ZNF180: variants seen among roughly 807,000 people sequenced by gnomAD.
The protein encoded by ZNF180 is zinc finger protein 180 (HHZ168).
ZNF180 carries 11 observed loss-of-function variants against 11.8 expected under a neutral mutation model. That is an observed-to-expected ratio of 0.93 (90% CI 0.59 to 1.55). The LOEUF is 1.55. Among genes scored for constraint, ZNF180 ranks in the 40% most tolerant of loss-of-function variants. The probability of loss-of-function intolerance (pLI) is 0.00; values close to 1 mark genes in which losing one functional copy is unlikely to be tolerated. For synonymous variants in ZNF180, 287 were observed against 257.7 expected, an observed-to-expected ratio of 1.11 and a Z score of -1.09; for missense variants, 773 against 781.7, an observed-to-expected ratio of 0.99 and a Z score of 0.13.
In ZNF180 at chr19:44,477,455, T is replaced by G; in HGVS notation, c.945A>C (p.Gln315His). 1 of 1,614,098 alleles carries G rather than the reference T, an allele frequency of 6.2e-7. No homozygotes were observed. Among genetic ancestry groups the G allele is most frequent in the South Asian group, 1.1e-5 (1 of 91,070 alleles). ...SETSHSSSLT[Q>H]NMRNNSEEKP... is the part of the protein sequence containing the mutation. Reference sequence around the variant, plus strand: ...TCTCTTCAGAATTATTTCTCATGTTTTGAGTAAGGGAGGAACTATGAGAGG... The same window carrying G: ...TCTCTTCAGAATTATTTCTCATGTTGTGAGTAAGGGAGGAACTATGAGAGG... The change falls in exon 5 of 5, where the codon CAA (glutamine) becomes CAC (histidine). Residue 315 changes from glutamine (Q) to histidine (H), a missense_variant. Coordinates refer to ENST00000592529, the MANE Select transcript of ZNF180 (RefSeq NM_001278509.3).
intron 3 of ZNF180, among the ~76,000 whole-genome samples, chr19:44,481,344 A>G (rs988338798): frequency 2.6e-5 from 4 of 152,126 alleles, no homozygotes; most frequent in African/African-American, 7.2e-5. Flanking sequence ...GAAACCTCAA[A>G]TGTTTTCATG....
chr19:44,491,623 T>C (rs11670601), intron 2 of ZNF180, among the ~76,000 whole-genome samples: 46,578 of 152,092 alleles, frequency 0.31, 7,913 homozygotes, highest in African/African-American at 0.44. Flanking sequence ...TAAGCTGGAG[T>C]GCAGTGGCAC....
Position 44,489,510 on chromosome 19 carries a change from T to C in ZNF180, c.52-5075A>G, listed in dbSNP as rs1346048907. On this transcript the variant is annotated intron_variant, in intron 2 of 4. Transcript: ENST00000592529. ...TAAATGGATTAAGGGCGGTGCAAGA[T>C]GTGCTTTGTTAAACAGATGCTTGAA... is the stretch of plus-strand genomic sequence containing the variant. 2.3e-4 allele frequency among the ~76,000 whole-genome samples: 26 copies of C among 112,284 alleles called. 1 individual carries two copies. Among genetic ancestry groups the C allele is most frequent in the Non-Finnish European group, 5.0e-4 (25 of 49,706 alleles). 73.7% of individuals were successfully genotyped at this position (112,284 alleles called of 152,430 possible).
chr19:44,499,104 C>G (rs1970666313), intron 1 of ZNF180, among the ~76,000 whole-genome samples: 1 of 152,220 alleles, frequency 6.6e-6, no homozygotes, highest in African/African-American at 2.4e-5. Flanking sequence ...TTGCCCGCAG[C>G]CAGGACACTA....
At position 44,477,895 on chromosome 19, in the gene ZNF180, C is replaced by T. The variant is rs200035700; in HGVS notation, c.505G>A (p.Gly169Arg). The change falls in exon 5 of 5, where the codon GGG (glycine) becomes AGG (arginine). Residue 169 changes from glycine (G) to arginine (R), a missense_variant. By Grantham distance (125) the Gly-to-Arg change is moderately radical. Coordinates refer to ENST00000592529, the MANE Select transcript of ZNF180 (RefSeq NM_001278509.3). ...CTGGAATTCAGACCACTCTTCTCCCCAGTTTCATCACTTTTGCAGACTCTC... is the reference window on the plus strand; with the variant it reads ...CTGGAATTCAGACCACTCTTCTCCCTAGTTTCATCACTTTTGCAGACTCTC... ...HERVCKSDET[G>R]EKSGLNSSLF... 17 of 1,613,930 alleles carry T rather than the reference C, an allele frequency of 1.1e-5. No individual in the cohort carries two copies. Among genetic ancestry groups the T allele is most frequent in the Non-Finnish European group, 1.4e-5 (16 of 1,179,998 alleles).
At chr19:44,490,118 G>GAGGGA (rs149941233) in intron 2 of ZNF180, among the ~76,000 whole-genome samples, 8,439 of 103,934 alleles carry the variant, frequency 0.081, 1,214 homozygotes, top group African/African-American at 0.27. Context: ...GGGAAAGAAA[G>GAGGGA]AGGGAAGGGA....
intron 4 of ZNF180, among the ~76,000 whole-genome samples, 176 bp from the exon 5 acceptor site, chr19:44,478,322 G>A (rs915758050): frequency 6.6e-6 from 1 of 152,186 alleles, no homozygotes; most frequent in Non-Finnish European, 1.5e-5. Context: ...AACTACCACA[G>A]CCCAATATTA....
At chr19:44,489,728 T>A in intron 2 of ZNF180, among the ~76,000 whole-genome samples, 5 of 93,546 alleles carry the variant, frequency 5.3e-5, no homozygotes, top group South Asian at 3.2e-4. Context: ...CACCCAAGAA[T>A]GATCAATAAA....
At chr19:44,487,463 G>A (rs192766908) in intron 2 of ZNF180, among the ~76,000 whole-genome samples, 24 of 152,230 alleles carry the variant, frequency 1.6e-4, no homozygotes, top group Non-Finnish European at 2.8e-4. Flanking sequence ...ACAGGGTCTC[G>A]TCATGTTGCC....
chr19:44,499,122 T>G (rs1970666664), intron 1 of ZNF180, among the ~76,000 whole-genome samples: 1 of 152,168 alleles, frequency 6.6e-6, no homozygotes, highest in South Asian at 2.1e-4. Flanking sequence ...CTACAACAAC[T>G]AAACAGTAGC....
In ZNF180 at chr19:44,477,440, ATTAT is replaced by A. The variant is rs774857111; in HGVS notation, c.956_959del (p.Asn319IlefsTer298). The A allele has an allele frequency of 4.3e-6, 7 of 1,614,126 alleles. No homozygotes were observed. In the Admixed American group the frequency reaches 1.2e-4, roughly 27 times the overall value. On this transcript the variant is annotated frameshift_variant, in exon 5 of 5. Coordinates refer to ENST00000592529, the MANE Select transcript of ZNF180 (RefSeq NM_001278509.3). LOFTEE classifies it low-confidence loss of function (END_TRUNC). ...TACATTCAAAAGGTTTCTCTTCAGAATTATTTCTCATGTTTTGAGTAAGGGAGGA... is the reference window on the plus strand; with the variant it reads ...TACATTCAAAAGGTTTCTCTTCAGAATTCTCATGTTTTGAGTAAGGGAGGA...
chr19:44,486,020 T>C (rs941571285), intron 2 of ZNF180, among the ~76,000 whole-genome samples: 1 of 152,210 alleles, frequency 6.6e-6, no homozygotes, highest in Non-Finnish European at 1.5e-5. Context: ...AGTTACATTA[T>C]CATAGCAAGA....
intron 1 of ZNF180, 49 bp downstream of exon 1, chr19:44,500,226 T>G (rs750936512): frequency 6.2e-7 from 1 of 1,614,076 alleles, no homozygotes; most frequent in East Asian, 2.2e-5. Flanking sequence ...GCGTAGACCC[T>G]GCGCATGCGC....
rs999486028 is a variant in ZNF180 at position 44,500,396 on chromosome 19, A to C, written c.-165T>G. The C allele has an allele frequency of 1.1e-5, 10 of 873,662 alleles. No homozygotes were observed. The highest frequency in any genetic ancestry group is 1.5e-5 in the Non-Finnish European group (8 of 548,126). The allele number at this position is 873,662 out of a possible 1,614,324, so 54.1% of individuals were successfully genotyped here. A position where few individuals can be genotyped will look rare whatever the true frequency, so the allele number is the denominator to read the frequency against. On this transcript the variant is annotated 5_prime_UTR_variant, in exon 1 of 5. Coordinates refer to ENST00000592529, the MANE Select transcript of ZNF180 (RefSeq NM_001278509.3). Reference sequence around the variant, plus strand: ...CTGCCCCGATTCTGCAACACGGCCGACTCGGGTTAAGCTAGTTCGGTCCCC... The same window carrying C: ...CTGCCCCGATTCTGCAACACGGCCGCCTCGGGTTAAGCTAGTTCGGTCCCC...
At chr19:44,499,398 C>T (rs1362451855) in intron 1 of ZNF180, among the ~76,000 whole-genome samples, 1 of 152,232 alleles carries the variant, frequency 6.6e-6, no homozygotes, top group African/African-American at 2.4e-5. Context: ...CATAACGATG[C>T]TGGCAACATA....
At position 44,477,014 on chromosome 19, in the gene ZNF180, C is replaced by T. The variant is rs1395429889; in HGVS notation, c.1386G>A (p.Gly462=). 3 of 1,612,138 alleles carry T rather than the reference C, an allele frequency of 1.9e-6. No homozygotes were observed. In the East Asian group the frequency reaches 6.7e-5, roughly 36 times the overall value. ...ACTGATTGCATTCATAGGGTTTTTCCCCAGTATGAATTCTTTGATGTGCAA... is the reference window on the plus strand; with the variant it reads ...ACTGATTGCATTCATAGGGTTTTTCTCCAGTATGAATTCTTTGATGTGCAA... The part of the protein sequence containing the change: ...KLIAHQRIHT[G]EKPYECNQCG... Residue 462 remains glycine, a synonymous_variant, in exon 5 of 5, where the codon GGG becomes GGA. Transcript: ENST00000592529.
At chr19:44,486,856 C>T (rs1970242541) in intron 2 of ZNF180, among the ~76,000 whole-genome samples, 1 of 152,128 alleles carries the variant, frequency 6.6e-6, no homozygotes, top group African/African-American at 2.4e-5. Context: ...GCCTGGTCAA[C>T]ATGGCGAAAC....
rs561541591 is a variant in ZNF180, at chr19:44,498,415, C to A, written c.-43-1038G>T. On this transcript the variant is annotated intron_variant, in intron 1 of 4. Transcript: ENST00000592529. ...AGCATAGCGTAGGTTCACAATGCAG[C>A]TGTTTCCTGAAATTGCACCCAAACT... Among the ~76,000 whole-genome samples, 10 of 152,268 alleles carry A rather than the reference C, an allele frequency of 6.6e-5. No homozygotes were observed. The South Asian group carries it at 2.1e-3, about 32-fold the overall frequency.
At position 44,495,191 on chromosome 19, in the gene ZNF180, C is replaced by G. The variant is rs1049858992; in HGVS notation, c.51+2093G>C. 9.9e-5 allele frequency among the ~76,000 whole-genome samples: 15 copies of G among 152,116 alleles called. 1 individual carries two copies. Among genetic ancestry groups the G allele is most frequent in the Admixed American group, 9.2e-4 (14 of 15,270 alleles). Reference sequence around the variant, plus strand: ...ATATACACTTACTTATCTGATCTAGCCCCCTGTAGGTAGTTCCTCTCCCAT... The same window carrying G: ...ATATACACTTACTTATCTGATCTAGGCCCCTGTAGGTAGTTCCTCTCCCAT... On this transcript the variant is annotated intron_variant, in intron 2 of 4. Coordinates refer to ENST00000592529, the MANE Select transcript of ZNF180 (RefSeq NM_001278509.3). The surrounding 1 kb of genome is among the most constrained non-coding windows in gnomAD (Gnocchi z 4.5).
Sources: allele counts gnomAD v4.1 joint callset (sites outside exome capture counted in the v4.1 genomes callset), GRCh38; gene constraint gnomAD v4.1.1; non-coding constraint Gnocchi (gnomAD v3.1); transcripts MANE v1.5; gene names NCBI Gene and HGNC (gene_info 2026-07-23, HGNC 2026-07-21).